Variants in DEF8 observed in about 807,000 individuals in gnomAD.
DEF8 encodes the protein differentially expressed in FDCP 8 homolog, also known as DEF-8.
DEF8 carries 38 observed loss-of-function variants against 59.1 expected under a neutral mutation model. That is an observed-to-expected ratio of 0.64 (90% CI 0.50 to 0.84). The LOEUF (loss-of-function observed/expected upper bound fraction) is 0.84, where lower values mean the gene tolerates loss of function less well. Ranked by LOEUF, DEF8 falls within the 40% of genes least tolerant of loss-of-function variation. The pLI, the probability that DEF8 is intolerant of heterozygous loss-of-function variation, is 0.00. For missense variants in DEF8, 557 were observed against 615.2 expected (o/e 0.91, Z 1.00); for synonymous variants, 265 against 250.1 (o/e 1.06, Z -0.56).
chr16:89,964,605 G>GGCTGGGGCTCT, intron 12 of DEF8, 30 bp downstream of exon 12: 1 of 1,520,238 alleles, frequency 6.6e-7, no homozygotes, highest in Non-Finnish European at 8.9e-7. Flanking sequence ...CGCACTCGGG[G>GGCTGGGGCTCT]GCTGGGGCTC....
chr16:89,960,630 G>A (rs968709889), intron 6 of DEF8, among the ~76,000 whole-genome samples: 9 of 151,688 alleles, frequency 5.9e-5, no homozygotes, highest in East Asian at 3.9e-4. Context: ...GCTTGGGGTC[G>A]GGGGTGGGAG....
At chr16:89,952,078 T>C (rs58192826) in intron 2 of DEF8, among the ~76,000 whole-genome samples, 4,581 of 152,108 alleles carry the variant, frequency 0.03, 232 homozygotes, top group African/African-American at 0.1. Context: ...AGGGTTTCAA[T>C]GTGTTAGCCA....
chr16:89,961,333 G>C (rs1014205447), intron 7 of DEF8, among the ~76,000 whole-genome samples: 12 of 152,236 alleles, frequency 7.9e-5, no homozygotes, highest in African/African-American at 2.9e-4. Context: ...CACCTGGAGG[G>C]CTGGGACCTG....
rs2032947297 is a variant in DEF8, at chr16:89,955,195, G to A, written c.151G>A (p.Glu51Lys). The change falls in exon 4 of 13, where the codon GAG becomes AAG. Residue 51 changes from glutamate (E) to lysine (K), a missense_variant. Glu to Lys is a moderately conservative substitution (Grantham distance 56). Coordinates refer to ENST00000563594, the MANE Select transcript of DEF8 (RefSeq NM_001242818.2). ...EEALPELPPG[E>K]PEFRCPERVM... is the part of the protein sequence containing the mutation. ...GGCCCTGCCTGAGCTGCCCCCTGGG[G>A]AGCCGGAATTCCGCTGCCCTGAACG... 1 of 1,613,676 alleles carries A rather than the reference G, an allele frequency of 6.2e-7. No individual in the cohort carries two copies. Among genetic ancestry groups the A allele is most frequent in the African/African-American group, 1.3e-5 (1 of 75,032 alleles).
chr16:89,954,245 G>A lies in DEF8; in HGVS notation c.-8G>A, dbSNP rs1253043077. 2 of 1,611,804 alleles carry A rather than the reference G, an allele frequency of 1.2e-6. No homozygotes were observed. The highest frequency in any genetic ancestry group is 2.2e-5 in the East Asian group (1 of 44,886). On this transcript the variant is annotated splice_region_variant and 5_prime_UTR_variant, in exon 3 of 13. Coordinates refer to ENST00000563594, the MANE Select transcript of DEF8 (RefSeq NM_001242818.2). The surrounding 1 kb of genome is among the most constrained non-coding windows in gnomAD (Gnocchi z 4.3). Reference sequence around the variant, plus strand: ...TCCTGGCCCTGCCTGGCCCTCAGGTGGGATGCTATGGAATATGATGAGAAG... The same window carrying A: ...TCCTGGCCCTGCCTGGCCCTCAGGTAGGATGCTATGGAATATGATGAGAAG...
chr16:89,964,994 A>C (rs565266962), intron 12 of DEF8, among the ~76,000 whole-genome samples: 3,339 of 152,248 alleles, frequency 0.022, 129 homozygotes, highest in African/African-American at 0.077. Flanking sequence ...TAATTTTTTC[A>C]AAGTGTTTCT....
rs1189053810 is a variant in DEF8, at chr16:89,954,980, C to T, written c.125-189C>T. The stretch of plus-strand genomic sequence containing the variant: ...GTGGCTCTTTCCTGTCTACACAAGG[C>T]TGTGGGCTCCTCTGTGAATGCAGAC... On this transcript the variant is annotated intron_variant, in intron 3 of 12. Transcript: ENST00000563594. The surrounding 1 kb of genome is among the most constrained non-coding windows in gnomAD (Gnocchi z 4.3). 6.6e-6 allele frequency among the ~76,000 whole-genome samples: 1 copy of T among 152,200 alleles called. No individual in the cohort carries two copies. The highest frequency in any genetic ancestry group is 1.5e-5 in the Non-Finnish European group (1 of 68,028).
chr16:89,962,826 G>A (rs1272291438), intron 9 of DEF8, among the ~76,000 whole-genome samples: 1 of 152,224 alleles, frequency 6.6e-6, no homozygotes, highest in Non-Finnish European at 1.5e-5. Flanking sequence ...CCTCTGCTAA[G>A]TCTCACTGCA....
At chr16:89,964,608 TG>T (rs1284960102) in intron 12 of DEF8, 33 bp downstream of exon 12, 1 of 1,505,304 alleles carries the variant, frequency 6.6e-7, no homozygotes, top group Non-Finnish European at 9.0e-7. Context: ...ACTCGGGGGC[TG>T]GGGCTCTGCG....
chr16:89,963,486 C>T (rs2034291744), intron 10 of DEF8, 43 bp downstream of exon 10: 1 of 1,575,944 alleles, frequency 6.3e-7, no homozygotes, highest in East Asian at 2.3e-5. Context: ...GAAGCGCAGC[C>T]AGGGTGGTGA....
chr16:89,964,321 G>T lies in DEF8; in HGVS notation c.1143+11G>T. 2 of 1,573,386 alleles carry T rather than the reference G, an allele frequency of 1.3e-6. No individual in the cohort carries two copies. Among genetic ancestry groups the T allele is most frequent in the South Asian group, 1.2e-5 (1 of 86,086 alleles). ...AAGCTGGACTGCGAGGTGGGCCTCT[G>T]CCCGAGGGCCGCTCTTCTCCAACCC... On this transcript the variant is annotated intron_variant, in intron 11 of 12. Transcript: ENST00000563594.
chr16:89,962,775 C>A (rs557862926), intron 9 of DEF8, among the ~76,000 whole-genome samples: 1 of 152,256 alleles, frequency 6.6e-6, no homozygotes, highest in African/African-American at 2.4e-5. Flanking sequence ...TATTTGCTTT[C>A]TTTTTCTTTT....
rs148387461 is a variant in DEF8, at chr16:89,961,664, C to A, written c.680-73C>A. 1,536 of 1,585,798 alleles carry A rather than the reference C, an allele frequency of 9.7e-4. 1 individual carries two copies. Among genetic ancestry groups the A allele is most frequent in the Middle Eastern group, 5.0e-3 (24 of 4,798 alleles). On this transcript the variant is annotated intron_variant, in intron 7 of 12. Transcript: ENST00000563594. ...CCGAGGGCTGTGGTCCATGGGAGGA[C>A]AGACCATGAGGCTGGAAAGCTGTGT...
chr16:89,964,651 G>C (rs1242694336), intron 12 of DEF8, 76 bp downstream of exon 12: 1 of 1,139,530 alleles, frequency 8.8e-7, no homozygotes. Context: ...CTTGGCCTCC[G>C]GTAGGATGAT....
chr16:89,957,083 G>C (rs1430749806), intron 4 of DEF8, among the ~76,000 whole-genome samples: 1 of 152,216 alleles, frequency 6.6e-6, no homozygotes, highest in Non-Finnish European at 1.5e-5. Flanking sequence ...GCTGGGGCTG[G>C]CTCTCGGCAT....
chr16:89,950,882 A>G (rs765623675), intron 2 of DEF8, among the ~76,000 whole-genome samples: 9 of 152,124 alleles, frequency 5.9e-5, no homozygotes, highest in Non-Finnish European at 1.3e-4. Flanking sequence ...TTGGGAGGCT[A>G]ATATGGGAGG....
At chr16:89,952,358 A>C (rs914058674) in intron 2 of DEF8, among the ~76,000 whole-genome samples, 1 of 152,096 alleles carries the variant, frequency 6.6e-6, no homozygotes, top group Non-Finnish European at 1.5e-5. Context: ...TCTTGCCTAT[A>C]AATCAGGGAG....
chr16:89,965,652 G>A (rs2034543139), intron 12 of DEF8, among the ~76,000 whole-genome samples: 1 of 152,134 alleles, frequency 6.6e-6, no homozygotes. Flanking sequence ...GGGGATAGCA[G>A]GTAGCGTGAG....
intron 1 of DEF8, 36 bp from the exon 2 acceptor site, chr16:89,949,381 G>T: frequency 6.5e-7 from 1 of 1,529,994 alleles, no homozygotes; most frequent in Non-Finnish European, 8.8e-7. Flanking sequence ...TGTGGTGGGT[G>T]GGGAGGCACA....
Sources: allele counts gnomAD v4.1 joint callset (sites outside exome capture counted in the v4.1 genomes callset), GRCh38; gene constraint gnomAD v4.1.1; non-coding constraint Gnocchi (gnomAD v3.1); transcripts MANE v1.5; gene names NCBI Gene and HGNC (gene_info 2026-07-23, HGNC 2026-07-21).